ROR2: variants seen among roughly 807,000 people sequenced by gnomAD.
ROR2 encodes the protein tyrosine-protein kinase transmembrane receptor ROR2.
Under a neutral mutation model 74.9 loss-of-function variants are expected in ROR2, and 33 were observed. The ratio of observed to expected loss-of-function variants is 0.44; its 90% confidence interval spans 0.33 to 0.59. The LOEUF is 0.59. Among genes scored for constraint, ROR2 ranks in the 20% least tolerant of loss-of-function variants. The pLI, the probability that ROR2 is intolerant of heterozygous loss-of-function variation, is 0.02. For missense variants in ROR2, 1,216 were observed against 1,313.8 expected, an observed-to-expected ratio of 0.93 and a Z score of 1.15; for synonymous variants, 586 against 558.7, an observed-to-expected ratio of 1.05 and a Z score of -0.69.
intron 1 of ROR2, among the ~76,000 whole-genome samples, chr9:91,911,534 A>C (rs1357040261): frequency 6.6e-6 from 1 of 152,192 alleles, no homozygotes; most frequent in Non-Finnish European, 1.5e-5. Flanking sequence ...CTTTTAAAAT[A>C]AGCTTCAATA....
intron 1 of ROR2, among the ~76,000 whole-genome samples, chr9:91,809,598 G>A (rs1827678258): frequency 6.6e-6 from 1 of 152,206 alleles, no homozygotes; most frequent in Non-Finnish European, 1.5e-5. Flanking sequence ...GCAGGTCCAG[G>A]GCCAAAGCCA....
chr9:91,817,554 G>C (rs886105612), intron 1 of ROR2, among the ~76,000 whole-genome samples: 1 of 152,110 alleles, frequency 6.6e-6, no homozygotes, highest in Non-Finnish European at 1.5e-5. Flanking sequence ...CGTCTCCTCC[G>C]GGGAGTGAAG....
chr9:91,905,750 C>A lies in ROR2; in HGVS notation c.97+44117G>T, dbSNP rs1830799341. ...AAATGGGGGTGGGGGGAGGGGCCAT[C>A]ACACTCTTTAGGGAGAGAAAATAGA... On this transcript the variant is annotated intron_variant, in intron 1 of 8. Coordinates refer to ENST00000375708, the MANE Select transcript of ROR2 (RefSeq NM_004560.4). The surrounding 1 kb of genome is among the most constrained non-coding windows in gnomAD (Gnocchi z 5.3). Among the ~76,000 whole-genome samples the A allele has an allele frequency of 6.6e-6, 1 of 151,794 alleles. No homozygotes were observed. Among genetic ancestry groups the A allele is most frequent in the South Asian group, 2.1e-4 (1 of 4,790 alleles).
At position 91,757,454 on chromosome 9, in the gene ROR2, C is replaced by T. The variant is rs367829411; in HGVS notation, c.281G>A (p.Arg94Gln). ...CACCGGGGCATCATTCTTTAGCCACCGCACGTTAGGGGGTGGGTTTCCTGC... is the reference window on the plus strand; with the variant it reads ...CACCGGGGCATCATTCTTTAGCCACTGCACGTTAGGGGGTGGGTTTCCTGC... ...KVAGNPPPNV[R>Q]WLKNDAPVVQ... Residue 94 changes from arginine to glutamine, a missense_variant, in exon 3 of 9, where the codon CGG (arginine) becomes CAG (glutamine). Physicochemically the swap from Arg to Gln is conservative, Grantham distance 43. Coordinates refer to ENST00000375708, the MANE Select transcript of ROR2 (RefSeq NM_004560.4). The T allele has an allele frequency of 1.8e-5, 29 of 1,613,732 alleles. No individual in the cohort carries two copies. The African/African-American group carries it at 2.0e-4, about 11-fold the overall frequency.
chr9:91,894,056 G>A (rs1239068682), intron 1 of ROR2, among the ~76,000 whole-genome samples: 5 of 152,114 alleles, frequency 3.3e-5, no homozygotes, highest in Admixed American at 3.3e-4. Flanking sequence ...AATGCACACA[G>A]GATGAAATCC....
At position 91,724,774 on chromosome 9, in the gene ROR2, C is replaced by A. The variant is rs140579674; in HGVS notation, c.1720G>T (p.Val574Leu). ...GTGCGGTCATCATCGGTGCTGCCCACGTCCGAGTGCGGCGAGCGCATGACC... is the reference window on the plus strand; with the variant it reads ...GTGCGGTCATCATCGGTGCTGCCCAAGTCCGAGTGCGGCGAGCGCATGACC... ...FLVMRSPHSD[V>L]GSTDDDRTVK... The change falls in exon 9 of 9, where the codon GTG (valine) becomes TTG (leucine). Residue 574 changes from valine to leucine, a missense_variant. By Grantham distance (32) the Val-to-Leu change is conservative. Coordinates refer to ENST00000375708, the MANE Select transcript of ROR2 (RefSeq NM_004560.4). 257 of 1,612,564 alleles carry A rather than the reference C, an allele frequency of 1.6e-4. 1 individual carries two copies. The highest frequency in any genetic ancestry group is 1.1e-4 in the Non-Finnish European group (135 of 1,178,846).
At chr9:91,757,164 C>A in intron 3 of ROR2, 108 bp downstream of exon 3, 1 of 1,430,936 alleles carries the variant, frequency 7.0e-7, no homozygotes, top group Admixed American at 1.7e-5. Flanking sequence ...TTGCTCTCCC[C>A]TCGTGCTGAC....
intron 2 of ROR2, among the ~76,000 whole-genome samples, chr9:91,760,113 T>C (rs1325997762): frequency 6.6e-6 from 1 of 152,236 alleles, no homozygotes; most frequent in Non-Finnish European, 1.5e-5. Flanking sequence ...TGGTTCCTTG[T>C]TGTTCAGTTG....
chr9:91,796,451 A>AAC (rs1406827668), intron 1 of ROR2, among the ~76,000 whole-genome samples: 1 of 151,950 alleles, frequency 6.6e-6, no homozygotes, highest in African/African-American at 2.4e-5. Flanking sequence ...AAAAAAAAAA[A>AAC]AAAACATTTT....
At chr9:91,908,204 A>T (rs929549986) in intron 1 of ROR2, among the ~76,000 whole-genome samples, 3 of 152,092 alleles carry the variant, frequency 2.0e-5, no homozygotes, top group Non-Finnish European at 4.4e-5. Context: ...AGTGGTGGGG[A>T]CGCTATCTAT....
At chr9:91,738,439 C>A (rs895417881) in intron 4 of ROR2, among the ~76,000 whole-genome samples, 1 of 152,094 alleles carries the variant, frequency 6.6e-6, no homozygotes, top group African/African-American at 2.4e-5. Flanking sequence ...TGTATACATG[C>A]ACATACCCAG....
chr9:91,741,440 C>T (rs1420386574), intron 4 of ROR2, among the ~76,000 whole-genome samples: 1 of 151,562 alleles, frequency 6.6e-6, no homozygotes, highest in Non-Finnish European at 1.5e-5. Context: ...GGCAGGTGCT[C>T]CTCCACCAAG....
At chr9:91,929,779 C>T (rs534551736) in intron 1 of ROR2, among the ~76,000 whole-genome samples, 1 of 152,238 alleles carries the variant, frequency 6.6e-6, no homozygotes, top group African/African-American at 2.4e-5. Flanking sequence ...CAAAACACAC[C>T]TCCATAAACC....
At chr9:91,767,736 G>A (rs1564262557) in intron 2 of ROR2, among the ~76,000 whole-genome samples, 1 of 152,242 alleles carries the variant, frequency 6.6e-6, no homozygotes, top group Non-Finnish European at 1.5e-5. Context: ...AAAACCAGGG[G>A]CAGTGTCAGG....
chr9:91,908,670 T>C (rs979002236), intron 1 of ROR2, among the ~76,000 whole-genome samples: 2 of 152,206 alleles, frequency 1.3e-5, no homozygotes, highest in Non-Finnish European at 2.9e-5. Flanking sequence ...ATCCCTCTAC[T>C]GGTAATTCAA....
At chr9:91,762,644 C>G (rs1207368987) in intron 2 of ROR2, among the ~76,000 whole-genome samples, 1 of 152,146 alleles carries the variant, frequency 6.6e-6, no homozygotes, top group Non-Finnish European at 1.5e-5. Flanking sequence ...TTATTTTTCT[C>G]CAGAGAACTT....
intron 3 of ROR2, 81 bp downstream of exon 3, chr9:91,757,191 T>G (rs1825781010): frequency 1.3e-6 from 2 of 1,568,062 alleles, no homozygotes. Flanking sequence ...GTGTTCAGTT[T>G]CAAATAGCAA....
At chr9:91,760,565 C>T (rs532492207) in intron 2 of ROR2, among the ~76,000 whole-genome samples, 107 of 149,646 alleles carry the variant, frequency 7.2e-4, no homozygotes, top group African/African-American at 2.5e-3. Flanking sequence ...ACCCGGGAGG[C>T]GGAGCTTGCA....
At chr9:91,760,362 G>A (rs887442748) in intron 2 of ROR2, among the ~76,000 whole-genome samples, 8 of 152,184 alleles carry the variant, frequency 5.3e-5, no homozygotes, top group South Asian at 2.1e-4. Flanking sequence ...GGCTAGGTGC[G>A]GTGGCTCACG....
Sources: allele counts gnomAD v4.1 joint callset (sites outside exome capture counted in the v4.1 genomes callset), GRCh38; gene constraint gnomAD v4.1.1; non-coding constraint Gnocchi (gnomAD v3.1); transcripts MANE v1.5; gene names NCBI Gene and HGNC (gene_info 2026-07-23, HGNC 2026-07-21).